The following RP1 variants were observed in gnomAD, a reference collection of about 807,000 sequenced individuals.
RP1 encodes the protein RP1 axonemal microtubule associated.
RP1 carries 16 observed loss-of-function variants against 14.8 expected under a neutral mutation model. The observed-to-expected ratio is 1.08, with a 90% CI of 0.73 to 1.65. RP1 has a LOEUF of 1.65. Among genes scored for constraint, RP1 ranks in the 40% most tolerant of loss-of-function variants. The pLI is 0.00. For missense variants in RP1, 2,631 were observed against 2,535.0 expected (o/e 1.04, Z -0.81); for synonymous variants, 876 against 883.6 (o/e 0.99, Z 0.15).
At chr8:54,655,231 C>T (rs529395144) in intron 5 of RP1, among the ~76,000 whole-genome samples, 1 of 152,282 alleles carries the variant, frequency 6.6e-6, no homozygotes, top group South Asian at 2.1e-4. Context: ...GCTAACAATC[C>T]TTACATTACC....
At chr8:54,767,621 A>C (rs952101597) in intron 22 of RP1, among the ~76,000 whole-genome samples, 5 of 152,126 alleles carry the variant, frequency 3.3e-5, no homozygotes, top group African/African-American at 1.2e-4. Flanking sequence ...TGGCCTCCCA[A>C]AGTGCTGGGA....
At chr8:54,803,824 C>T (rs1468008704) in intron 24 of RP1, among the ~76,000 whole-genome samples, 2 of 152,110 alleles carry the variant, frequency 1.3e-5, no homozygotes, top group East Asian at 1.9e-4. Flanking sequence ...AATCCCAGCA[C>T]TTTGGGAGGC....
At chr8:54,639,906 C>T (rs1806424219) in intron 3 of RP1, among the ~76,000 whole-genome samples, 1 of 152,266 alleles carries the variant, frequency 6.6e-6, no homozygotes, top group African/African-American at 2.4e-5. Context: ...TGACTTTTCA[C>T]TTTCTTAGTG....
At chr8:54,739,012 G>C in exon 19 of RP1, 1 of 1,531,492 alleles carries the variant, frequency 6.5e-7, no homozygotes, top group Non-Finnish European at 8.7e-7. Context: ...TGAGCAACCC[G>C]AGTGGAACTT....
intron 19 of RP1, among the ~76,000 whole-genome samples, chr8:54,741,127 T>C (rs1403968061): frequency 2.6e-5 from 4 of 152,194 alleles, no homozygotes; most frequent in Non-Finnish European, 5.9e-5. Context: ...AGCTAAGTGT[T>C]ATTACAAAAG....
At chr8:54,859,072 G>C (rs900726540) in intron 27 of RP1, among the ~76,000 whole-genome samples, 1 of 152,028 alleles carries the variant, frequency 6.6e-6, no homozygotes, top group South Asian at 2.1e-4. Context: ...CTGCAGAGGG[G>C]TGTCATTATA....
chr8:54,637,544 C>A (rs566123476), intron 3 of RP1, among the ~76,000 whole-genome samples: 32 of 152,282 alleles, frequency 2.1e-4, no homozygotes, highest in African/African-American at 6.3e-4. Context: ...GCCTAATTCC[C>A]ACTCCAGAGG....
Position 54,621,557 on chromosome 8 carries a change from G to A in RP1, c.591G>A (p.Lys197=), listed in dbSNP as rs1805878118. 6.2e-7 allele frequency: 1 copy of A among 1,614,204 alleles called. No homozygotes were observed. Among genetic ancestry groups the A allele is most frequent in the South Asian group, 1.1e-5 (1 of 91,082 alleles). The part of the protein sequence containing the change: ...LTEVMQRPVV[K]LYATDGRRVP... Reference sequence around the variant, plus strand: ...AGGTCATGCAGCGCCCTGTGGTCAAGCTGTACGCTACGGACGGAAGGAGGG... The same window carrying A: ...AGGTCATGCAGCGCCCTGTGGTCAAACTGTACGCTACGGACGGAAGGAGGG... Residue 197 remains lysine, a synonymous_variant, in exon 2 of 4, where the codon AAG becomes AAA. Transcript: ENST00000220676.
At chr8:54,655,472 G>C (rs948777965) in intron 5 of RP1, among the ~76,000 whole-genome samples, 1 of 100,324 alleles carries the variant, frequency 1.0e-5, no homozygotes, top group Non-Finnish European at 2.4e-5. Flanking sequence ...CAGTGCTTGA[G>C]TTTTGTTCAT....
chr8:54,658,550 C>CAAA (rs755052184), intron 6 of RP1, among the ~76,000 whole-genome samples: 85 of 81,350 alleles, frequency 1.0e-3, no homozygotes, highest in Middle Eastern at 0.013. Context: ...GACTCCGTCT[C>CAAA]AAAAAAAAAA....
chr8:54,697,663 A>G (rs1458582483), intron 12 of RP1, among the ~76,000 whole-genome samples: 4 of 152,230 alleles, frequency 2.6e-5, no homozygotes, highest in Non-Finnish European at 4.4e-5. Flanking sequence ...ACAGAAACCA[A>G]AACAGCATGG....
intron 3 of RP1, among the ~76,000 whole-genome samples, chr8:54,622,925 A>T (rs914759189): frequency 6.6e-6 from 1 of 152,238 alleles, no homozygotes; most frequent in Non-Finnish European, 1.5e-5. Flanking sequence ...TAAATTGCCT[A>T]TACAGCATGG....
exon 7 of RP1, chr8:54,663,761 G>A (rs113792218): frequency 8.6e-5 from 132 of 1,535,012 alleles, no homozygotes; most frequent in Non-Finnish European, 9.7e-5. Context: ...AGTAGCAAAC[G>A]TCTACATTTC....
chr8:54,848,485 A>G (rs371250802), intron 25 of RP1, among the ~76,000 whole-genome samples: 15 of 152,164 alleles, frequency 9.9e-5, no homozygotes, highest in African/African-American at 3.6e-4. Context: ...GATAACACAG[A>G]TGCTATCTGG....
chr8:54,629,661 C>A lies in RP1; in HGVS notation c.5779C>A (p.Pro1927Thr), dbSNP rs750530534. ...CCCAATACTAACTGTTATTATCCAA[C>A]CCATGAATGAGGAAGACCGAGGATT... ...HCPILTVIIQ[P>T]MNEEDRGFAY... The change falls in exon 4 of 4, where the codon CCC (proline) becomes ACC (threonine). Residue 1927 changes from proline (P) to threonine (T), a missense_variant. By Grantham distance (38) the Pro-to-Thr change is conservative (BLOSUM62 -1). Transcript: ENST00000220676. The A allele has an allele frequency of 1.6e-5, 26 of 1,613,790 alleles. No homozygotes were observed. The Admixed American group carries it at 4.2e-4, about 26-fold the overall frequency.
At position 54,726,379 on chromosome 8, in the gene RP1, AC is replaced by A. The variant is rs1808653981; in HGVS notation, c.2427del (p.Ser810AlafsTer52). On this transcript the variant is annotated frameshift_variant, in exon 17 of 23. Coordinates refer to the RP1 transcript ENST00000636932. LOFTEE classifies it high-confidence loss of function. ...AAAACCCAATGGGAATGTCTGCAACACCCAGCCAAGAAGAAGAAAAGATCCA... is the reference window on the plus strand; with the variant it reads ...AAAACCCAATGGGAATGTCTGCAACACCAGCCAAGAAGAAGAAAAGATCCA... 6.5e-7 allele frequency: 1 copy of A among 1,533,786 alleles called. No individual in the cohort carries two copies.
intron 27 of RP1, among the ~76,000 whole-genome samples, chr8:54,858,721 A>G (rs1812264822): frequency 6.6e-6 from 1 of 151,406 alleles, no homozygotes. Flanking sequence ...ACTGTGGAGC[A>G]GTGTCACTGT....
chr8:54,606,269 C>G (rs1805439190), intron 1 of RP1, among the ~76,000 whole-genome samples: 1 of 152,186 alleles, frequency 6.6e-6, no homozygotes, highest in Non-Finnish European at 1.5e-5. Flanking sequence ...GTTTGCTCAT[C>G]TGTAAAGTAT....
In RP1 at chr8:54,850,203, T is replaced by TA. The variant is rs562849588; in HGVS notation, c.3836-2365dup. ...TGATAGATGCAGTAATAGCCACTTC[T>TA]AAAAAATGGCACTTTAAGAAGATTA... On this transcript the variant is annotated intron_variant, in intron 25 of 28. Transcript: ENST00000637698. Among the ~76,000 whole-genome samples, 10 of 152,338 alleles carry TA rather than the reference T, an allele frequency of 6.6e-5. No homozygotes were observed. In the East Asian group the frequency reaches 1.4e-3, roughly 21 times the overall value.
Sources: gnomAD v4.1 joint callset for allele counts (sites outside exome capture counted in the v4.1 genomes callset) on GRCh38, gnomAD v4.1.1 for gene constraint, MANE v1.5 for transcripts, NCBI Gene and HGNC (gene_info 2026-07-23, HGNC 2026-07-21) for gene names.